The following MALRD1 variants were observed in gnomAD, a reference collection of about 807,000 sequenced individuals.
MALRD1 encodes the protein MAM and LDL-receptor class A domain-containing protein 1.
In MALRD1, 247 loss-of-function variants were observed where a neutral mutation model predicts 242.1. That is an observed-to-expected ratio of 1.02 (90% CI 0.92 to 1.13). The LOEUF is 1.13. Ranked by LOEUF, MALRD1 falls within the 50% of genes most tolerant of loss-of-function variation. The pLI is 0.00. For missense variants in MALRD1, 2,989 were observed against 2,533.1 expected, an observed-to-expected ratio of 1.18 and a Z score of -3.86; for synonymous variants, 995 against 866.6, an observed-to-expected ratio of 1.15 and a Z score of -2.60.
At chr10:19,630,192 G>A (rs576920983) in intron 36 of MALRD1, among the ~76,000 whole-genome samples, 14 of 152,200 alleles carry the variant, frequency 9.2e-5, no homozygotes, top group Non-Finnish European at 1.6e-4. Context: ...TAATGAAACT[G>A]GTTTATGTTC....
At chr10:19,597,146 A>G (rs984295999) in intron 34 of MALRD1, among the ~76,000 whole-genome samples, 3 of 152,176 alleles carry the variant, frequency 2.0e-5, no homozygotes, top group Admixed American at 2.0e-4. Context: ...CCAACCTGTC[A>G]GGTCTTCTAA....
At chr10:19,350,546 G>T (rs998073465) in intron 25 of MALRD1, among the ~76,000 whole-genome samples, 1 of 151,880 alleles carries the variant, frequency 6.6e-6, no homozygotes, top group African/African-American at 2.4e-5. Context: ...CAAAGTGAGG[G>T]GATTACAGGT....
chr10:19,203,856 G>T lies in MALRD1; in HGVS notation c.2080G>T (p.Asp694Tyr). 1.3e-6 allele frequency: 2 copies of T among 1,550,432 alleles called. No individual in the cohort carries two copies. The highest frequency in any genetic ancestry group is 1.7e-6 in the Non-Finnish European group (2 of 1,146,914). ...TTTTGAGCACCAGGCTCCACCTCGG[G>T]ATCATAGTCTCAACGCATCTCAAGG... ...ADFEHQAPPR[D>Y]HSLNASQGHF... The change falls in exon 15 of 40, where the codon GAT becomes TAT. Residue 694 changes from aspartate to tyrosine, a missense_variant. By Grantham distance (160) the Asp-to-Tyr change is radical (BLOSUM62 -3). Coordinates refer to ENST00000454679, the MANE Select transcript of MALRD1 (RefSeq NM_001142308.3).
chr10:19,288,959 C>T (rs1270009000), intron 21 of MALRD1, among the ~76,000 whole-genome samples: 2 of 151,968 alleles, frequency 1.3e-5, no homozygotes, highest in Admixed American at 1.3e-4. Context: ...AGGCTGATTT[C>T]CCCCCTCCCT....
chr10:19,607,668 A>T (rs1838701893), intron 34 of MALRD1, 109 bp from the exon 35 acceptor site: 1 of 1,324,228 alleles, frequency 7.6e-7, no homozygotes, highest in Non-Finnish European at 9.9e-7. Flanking sequence ...GACTAGAAAA[A>T]ATCAAGAGTA....
intron 31 of MALRD1, among the ~76,000 whole-genome samples, chr10:19,508,905 C>T (rs951395443): frequency 2.6e-5 from 4 of 152,222 alleles, no homozygotes; most frequent in Admixed American, 2.6e-4. Context: ...AAAAAGCCAT[C>T]CCTGTATAAC....
rs1340641677 is a variant in MALRD1 at position 19,161,539 on chromosome 10, GAAAAAAAAAGCAAAAAAAA to G, written c.1657-4087_1657-4069del. On this transcript the variant is annotated intron_variant, in intron 12 of 39. Transcript: ENST00000454679. Reference sequence around the variant, plus strand: ...AATAAATAAATATAATAAAAATAAAGAAAAAAAAAGCAAAAAAAAAAAAAAAAAGAAAATTTCCTTTAAA... The same window carrying G: ...AATAAATAAATATAATAAAAATAAAGAAAAAAAAAGAAAATTTCCTTTAAA... Among the ~76,000 whole-genome samples the G allele has an allele frequency of 9.1e-3, 515 of 56,718 alleles. 4 individuals carry two copies. Among genetic ancestry groups the G allele is most frequent in the Middle Eastern group, 0.015 (1 of 68 alleles). 37.2% of individuals were successfully genotyped at this position (56,718 alleles called of 152,430 possible).
chr10:19,299,435 G>A (rs570402646), intron 21 of MALRD1, among the ~76,000 whole-genome samples: 38 of 151,798 alleles, frequency 2.5e-4, no homozygotes, highest in African/African-American at 8.4e-4. Context: ...ACAAAGAAGC[G>A]CATTAGATAA....
intron 36 of MALRD1, among the ~76,000 whole-genome samples, chr10:19,617,383 T>G (rs567049424): frequency 1.3e-5 from 2 of 152,160 alleles, no homozygotes; most frequent in East Asian, 3.9e-4. Context: ...TAAAGTATTA[T>G]TTTTGATAGC....
intron 27 of MALRD1, chr10:19,389,213 C>G (rs1846224892): frequency 1.6e-6 from 1 of 611,302 alleles, no homozygotes; most frequent in South Asian, 1.5e-5. Flanking sequence ...CATAAATATC[C>G]CATCAGATCA....
At chr10:19,116,199 C>T (rs1019424646) in intron 5 of MALRD1, among the ~76,000 whole-genome samples, 1 of 152,102 alleles carries the variant, frequency 6.6e-6, no homozygotes, top group African/African-American at 2.4e-5. Context: ...TCTTGAATAA[C>T]ACTGATTCTT....
intron 1 of MALRD1, 57 bp from the exon 2 acceptor site, chr10:19,066,660 CTT>C (rs1564370236): frequency 1.7e-6 from 2 of 1,186,348 alleles, no homozygotes. Flanking sequence ...CTGCTATTGT[CTT>C]ATTTTTTAAA....
chr10:19,293,963 T>C (rs1025872511), intron 21 of MALRD1, among the ~76,000 whole-genome samples: 1 of 152,124 alleles, frequency 6.6e-6, no homozygotes, highest in Non-Finnish European at 1.5e-5. Flanking sequence ...GAGAAATTTG[T>C]GCTGAAAATA....
intron 28 of MALRD1, among the ~76,000 whole-genome samples, chr10:19,423,897 C>A (rs16918720): frequency 0.014 from 2,161 of 152,184 alleles, 58 homozygotes; most frequent in African/African-American, 0.049. Context: ...GAGGCTGACT[C>A]AAATGTCACA....
chr10:19,308,520 C>G (rs189116355), intron 21 of MALRD1, among the ~76,000 whole-genome samples: 76 of 151,556 alleles, frequency 5.0e-4, no homozygotes, highest in African/African-American at 1.7e-3. Flanking sequence ...GAGTCTTAAG[C>G]TTAGTCTAGT....
At chr10:19,331,631 C>T (rs1303665801) in intron 24 of MALRD1, 49 bp downstream of exon 24, 7 of 1,363,594 alleles carry the variant, frequency 5.1e-6, no homozygotes, top group Middle Eastern at 1.9e-4. Context: ...ACTCCCACAG[C>T]CTTACTCAAT....
At chr10:19,221,165 G>A (rs17665968) in intron 18 of MALRD1, among the ~76,000 whole-genome samples, 11,210 of 152,056 alleles carry the variant, frequency 0.074, 481 homozygotes, top group Middle Eastern at 0.11. Context: ...CATTTGTGGG[G>A]TGTGTCTTAA....
At chr10:19,419,388 G>C (rs111360843) in intron 28 of MALRD1, among the ~76,000 whole-genome samples, 2 of 152,086 alleles carry the variant, frequency 1.3e-5, no homozygotes, top group Non-Finnish European at 2.9e-5. Flanking sequence ...TCCACCTCCC[G>C]GGTTCAAGTG....
chr10:19,350,010 A>G (rs1300350248), intron 25 of MALRD1, among the ~76,000 whole-genome samples: 1 of 152,150 alleles, frequency 6.6e-6, no homozygotes. Flanking sequence ...ATGAATATTT[A>G]TGATACAGAT....
Sources: gnomAD v4.1 joint callset for allele counts (sites outside exome capture counted in the v4.1 genomes callset) on GRCh38, gnomAD v4.1.1 for gene constraint, MANE v1.5 for transcripts, NCBI Gene and HGNC (gene_info 2026-07-23, HGNC 2026-07-21) for gene names.